IL4R: variants seen among roughly 807,000 people sequenced by gnomAD.
IL4R encodes the protein interleukin-4 receptor subunit alpha.
IL4R carries 17 observed loss-of-function variants against 41.5 expected under a neutral mutation model. The observed-to-expected ratio is 0.41, with a 90% CI of 0.28 to 0.61. IL4R has a LOEUF of 0.61. IL4R is among the 20% of genes least tolerant of loss of function. IL4R has a pLI of 0.31. For synonymous variants in IL4R, 402 were observed against 422.9 expected (o/e 0.95, Z 0.61); for missense variants, 974 against 1,043.1 (o/e 0.93, Z 0.91).
intron 3 of IL4R, chr16:27,341,899 A>G: frequency 3.9e-6 from 2 of 513,160 alleles, no homozygotes; most frequent in Admixed American, 7.1e-5. Context: ...GTTCTTGTCT[A>G]ATGGCCCCCG....
Position 27,342,142 on chromosome 16 carries a change from A to G in IL4R, c.92A>G (p.Glu31Gly). The G allele has an allele frequency of 1.9e-6, 3 of 1,614,190 alleles. No individual in the cohort carries two copies. The highest frequency in any genetic ancestry group is 1.6e-4 in the Middle Eastern group (1 of 6,062). ...ASSGNMKVLQ[E>G]PTCVSDYMSI... Reference sequence around the variant, plus strand: ...CCAGGGAACATGAAGGTCTTGCAGGAGCCCACCTGCGTCTCCGACTACATG... The same window carrying G: ...CCAGGGAACATGAAGGTCTTGCAGGGGCCCACCTGCGTCTCCGACTACATG... Residue 31 changes from glutamate (E) to glycine (G), a missense_variant, in exon 4 of 11, where the codon GAG becomes GGG. Transcript: ENST00000395762.
chr16:27,346,360 T>C, intron 5 of IL4R, 107 bp from the exon 6 acceptor site: 1 of 1,068,238 alleles, frequency 9.4e-7, no homozygotes, highest in Admixed American at 2.0e-5. Context: ...ATGGAGGTTT[T>C]GTCGACCAAA....
At chr16:27,352,413 C>G (rs3024609) in intron 6 of IL4R, 127 bp from the exon 7 acceptor site, 6 of 731,280 alleles carry the variant, frequency 8.2e-6, no homozygotes, top group Non-Finnish European at 1.4e-5. Flanking sequence ...CTGAACAGGA[C>G]GAACAACCAA....
At chr16:27,359,230 GT>G (rs1376575868) in intron 9 of IL4R, among the ~76,000 whole-genome samples, 2 of 152,158 alleles carry the variant, frequency 1.3e-5, no homozygotes, top group African/African-American at 2.4e-5. Flanking sequence ...TTGGTTTCCT[GT>G]TTTTTTCCCT....
chr16:27,348,296 G>A (rs2085733667), intron 6 of IL4R, among the ~76,000 whole-genome samples: 1 of 152,112 alleles, frequency 6.6e-6, no homozygotes, highest in African/African-American at 2.4e-5. Flanking sequence ...TAGAGAGTGG[G>A]GCAAGTTTTG....
chr16:27,355,965 C>G, intron 8 of IL4R, 58 bp downstream of exon 8: 2 of 1,193,848 alleles, frequency 1.7e-6, no homozygotes, highest in Non-Finnish European at 1.2e-6. Context: ...GTGGCAGGGA[C>G]TTGCCCCTCT....
At chr16:27,337,982 A>T in intron 2 of IL4R, among the ~76,000 whole-genome samples, 1 of 139,226 alleles carries the variant, frequency 7.2e-6, no homozygotes. Context: ...TTTGAGACAG[A>T]GTCTCACTCT....
At chr16:27,324,959 G>GCT (rs2084916491) in intron 1 of IL4R, among the ~76,000 whole-genome samples, 1 of 152,046 alleles carries the variant, frequency 6.6e-6, no homozygotes, top group Admixed American at 6.5e-5. Context: ...CCAAGTCCCT[G>GCT]CTGCCTCCTC....
chr16:27,358,135 A>C (rs1256305445), intron 8 of IL4R, among the ~76,000 whole-genome samples: 7 of 151,812 alleles, frequency 4.6e-5, no homozygotes, highest in Non-Finnish European at 1.0e-4. Flanking sequence ...CTCAGGTGAT[A>C]CACCTGCCTT....
rs556691722 is a variant in IL4R at position 27,323,835 on chromosome 16, T to G, written c.-151-6231T>G. Among the ~76,000 whole-genome samples, 4 of 152,208 alleles carry G rather than the reference T, an allele frequency of 2.6e-5. No homozygotes were observed. The South Asian group carries it at 8.3e-4, about 32-fold the overall frequency. On this transcript the variant is annotated intron_variant, in intron 1 of 10. Transcript: ENST00000395762. Reference sequence around the variant, plus strand: ...CATGCCTGGCAATTTTTTTTTGTATTTTTGGTAGAGACGGGGTCTTGCCAT... The same window carrying G: ...CATGCCTGGCAATTTTTTTTTGTATGTTTGGTAGAGACGGGGTCTTGCCAT...
At chr16:27,359,896 C>T in intron 9 of IL4R, 1 of 434,324 alleles carries the variant, frequency 2.3e-6, no homozygotes, top group South Asian at 1.6e-5. Flanking sequence ...TGCAGGCTGG[C>T]ATTTGGGGCT....
chr16:27,348,548 G>A (rs1165754347), intron 6 of IL4R, among the ~76,000 whole-genome samples: 1 of 152,214 alleles, frequency 6.6e-6, no homozygotes, highest in African/African-American at 2.4e-5. Context: ...CTTCCCTCAT[G>A]TAGTGGCAGA....
intron 3 of IL4R, among the ~76,000 whole-genome samples, chr16:27,341,506 A>C (rs2085440970): frequency 6.6e-6 from 1 of 152,132 alleles, no homozygotes; most frequent in East Asian, 1.9e-4. Flanking sequence ...TGGTTTAGCA[A>C]ACTCAGTGTA....
intron 6 of IL4R, among the ~76,000 whole-genome samples, chr16:27,348,174 T>C (rs891485201): frequency 1.3e-5 from 2 of 152,198 alleles, no homozygotes; most frequent in African/African-American, 4.8e-5. Flanking sequence ...TCAGGTCTGG[T>C]TTCCCCTTTG....
At position 27,363,153 on chromosome 16, in the gene IL4R, G is replaced by T. The variant is rs1409286398; in HGVS notation, c.1801G>T (p.Ala601Ser). 2 of 1,613,264 alleles carry T rather than the reference G, an allele frequency of 1.2e-6. No individual in the cohort carries two copies. The highest frequency in any genetic ancestry group is 1.1e-5 in the South Asian group (1 of 90,986). Residue 601 changes from alanine to serine, a missense_variant, in exon 11 of 11, where the codon GCT becomes TCT. Ala to Ser is a moderately conservative substitution (Grantham distance 99). This residue lies in a region of IL4R where 682 missense variants were observed against 704.3 expected (regional missense o/e 0.97). Coordinates refer to ENST00000395762, the MANE Select transcript of IL4R (RefSeq NM_000418.4). ...GGTGGGCTTGGGTCCCCCAGGAGAG[G>T]CTGGTTACAAGGCCTTCTCAAGCCT... ...AVVGLGPPGE[A>S]GYKAFSSLLA...
chr16:27,349,278 G>A (rs1047053534), intron 6 of IL4R, among the ~76,000 whole-genome samples: 1 of 152,198 alleles, frequency 6.6e-6, no homozygotes, highest in Non-Finnish European at 1.5e-5. Flanking sequence ...AAGCTGGGCG[G>A]GTGTCCACCT....
rs868067148 is a variant in IL4R at position 27,348,772 on chromosome 16, G to C, written c.513+2154G>C. On this transcript the variant is annotated intron_variant, in intron 6 of 10. Transcript: ENST00000395762. Reference sequence around the variant, plus strand: ...GGGAGGAGTCACATACCTGCCTCTAGGGCTGCAGGTGGGCTCAGCTCCATC... The same window carrying C: ...GGGAGGAGTCACATACCTGCCTCTACGGCTGCAGGTGGGCTCAGCTCCATC... Among the ~76,000 whole-genome samples the C allele has an allele frequency of 6.2e-4, 94 of 152,188 alleles. 1 individual carries two copies. Among genetic ancestry groups the C allele is most frequent in the African/African-American group, 1.8e-3 (76 of 41,448 alleles).
At position 27,363,187 on chromosome 16, in the gene IL4R, G is replaced by A; in HGVS notation, c.1835G>A (p.Ser612Asn). ...AAGGCCTTCTCAAGCCTGCTTGCCAGCAGTGCTGTGTCCCCAGAGAAATGT... is the reference window on the plus strand; with the variant it reads ...AAGGCCTTCTCAAGCCTGCTTGCCAACAGTGCTGTGTCCCCAGAGAAATGT... ...GYKAFSSLLASSAVSPEKCGF... is the reference protein window; with the variant it reads ...GYKAFSSLLANSAVSPEKCGF... Residue 612 changes from serine to asparagine, a missense_variant, in exon 11 of 11, where the codon AGC (serine) becomes AAC (asparagine). Physicochemically the swap from Ser to Asn is conservative, Grantham distance 46. This residue lies in a region of IL4R where 682 missense variants were observed against 704.3 expected (regional missense o/e 0.97). Coordinates refer to ENST00000395762, the MANE Select transcript of IL4R (RefSeq NM_000418.4). 6.2e-7 allele frequency: 1 copy of A among 1,611,188 alleles called. No individual in the cohort carries two copies. The highest frequency in any genetic ancestry group is 8.5e-7 in the Non-Finnish European group (1 of 1,178,368).
In IL4R at chr16:27,363,076, A is replaced by G. The variant is rs747061107; in HGVS notation, c.1724A>G (p.Tyr575Cys). 15 of 1,613,980 alleles carry G rather than the reference A, an allele frequency of 9.3e-6. No homozygotes were observed. The highest frequency in any genetic ancestry group is 1.3e-5 in the African/African-American group (1 of 74,930). ...AAPVSAPTSG[Y>C]QEFVHAVEQG... ...CCCGTCTCGGCCCCCACCAGTGGCT[A>G]TCAGGAGTTTGTACATGCGGTGGAG... Residue 575 changes from tyrosine (Y) to cysteine (C), a missense_variant, in exon 11 of 11, where the codon TAT (tyrosine) becomes TGT (cysteine). Coordinates refer to ENST00000395762, the MANE Select transcript of IL4R (RefSeq NM_000418.4).
Sources: allele counts gnomAD v4.1 joint callset (sites outside exome capture counted in the v4.1 genomes callset), GRCh38; gene constraint gnomAD v4.1.1; regional missense constraint gnomAD v4.1.1; transcripts MANE v1.5; gene names NCBI Gene and HGNC (gene_info 2026-07-23, HGNC 2026-07-21).